Variants in PARVA observed in about 807,000 individuals in gnomAD.
The protein encoded by PARVA is alpha-parvin.
A neutral mutation model predicts 52.6 loss-of-function variants in PARVA; 25 were observed. The ratio of observed to expected loss-of-function variants is 0.48; its 90% CI spans 0.35 to 0.66. The LOEUF is 0.66. Among genes scored for constraint, PARVA ranks in the 30% least tolerant of loss-of-function variants. PARVA has a pLI of 0.01. For missense variants in PARVA, 373 were observed against 450.9 expected, an observed-to-expected ratio of 0.83 and a Z score of 1.56; for synonymous variants, 185 against 179.1, an observed-to-expected ratio of 1.03 and a Z score of -0.26.
chr11:12,523,277 G>A (rs1044692365), intron 12 of PARVA, among the ~76,000 whole-genome samples: 2 of 152,182 alleles, frequency 1.3e-5, no homozygotes, highest in Admixed American at 1.3e-4. Context: ...TAGAGGCGCA[G>A]GGAGGTCGGC....
chr11:12,527,459 G>A (rs923755759), intron 12 of PARVA, among the ~76,000 whole-genome samples: 1 of 152,134 alleles, frequency 6.6e-6, no homozygotes, highest in Non-Finnish European at 1.5e-5. Flanking sequence ...AGTACTCCTT[G>A]CAAGTCCCCC....
intron 8 of PARVA, among the ~76,000 whole-genome samples, chr11:12,512,937 G>T (rs1035073193): frequency 6.6e-6 from 1 of 152,106 alleles, no homozygotes; most frequent in South Asian, 2.1e-4. Context: ...TTAATATTTG[G>T]ATAACATTCT....
chr11:12,441,114 G>A (rs1378686651), intron 1 of PARVA, among the ~76,000 whole-genome samples: 8 of 152,186 alleles, frequency 5.3e-5, no homozygotes, highest in Non-Finnish European at 1.5e-5. Flanking sequence ...GGGGGATTCT[G>A]TTTCTTACAA....
intron 1 of PARVA, among the ~76,000 whole-genome samples, chr11:12,446,307 T>G (rs912194312): frequency 1.3e-5 from 2 of 152,140 alleles, no homozygotes; most frequent in African/African-American, 4.8e-5. Flanking sequence ...AAAACAACTG[T>G]GAGTTACCAC....
intron 1 of PARVA, among the ~76,000 whole-genome samples, chr11:12,431,146 G>A (rs1204789568): frequency 6.6e-6 from 1 of 152,180 alleles, no homozygotes; most frequent in Admixed American, 6.5e-5. Context: ...ATAAATAGCT[G>A]ATCCCCCAAT....
chr11:12,480,892 TTTG>T (rs1941077712), intron 4 of PARVA: 3 of 151,048 alleles, frequency 2.0e-5, no homozygotes, highest in African/African-American at 2.4e-5. Flanking sequence ...AATGTTTTGG[TTTG>T]TTTTCTTTTT....
chr11:12,413,774 C>T (rs753083919), intron 1 of PARVA, among the ~76,000 whole-genome samples: 4 of 152,212 alleles, frequency 2.6e-5, no homozygotes, highest in Non-Finnish European at 5.9e-5. Flanking sequence ...GGTGGGGATT[C>T]TAAACAGCAG....
At chr11:12,459,628 C>T (rs933919) in intron 1 of PARVA, among the ~76,000 whole-genome samples, 4,843 of 152,018 alleles carry the variant, frequency 0.032, 281 homozygotes, top group African/African-American at 0.11. Flanking sequence ...TGGTTATGTA[C>T]GGTGTGTACC....
intron 4 of PARVA, among the ~76,000 whole-genome samples, chr11:12,492,826 G>C (rs1209839578): frequency 7.5e-6 from 1 of 133,618 alleles, no homozygotes; most frequent in African/African-American, 2.6e-5. Context: ...TAATCAATTA[G>C]TAATACATAC....
chr11:12,519,154 CAG>C (rs1469229630), intron 12 of PARVA, among the ~76,000 whole-genome samples: 2 of 152,198 alleles, frequency 1.3e-5, no homozygotes, highest in Non-Finnish European at 2.9e-5. Context: ...TCCATTTCAC[CAG>C]AGCTGGCAGG....
chr11:12,414,489 A>C lies in PARVA; in HGVS notation c.136+36706A>C, dbSNP rs191437768. 2.7e-3 allele frequency among the ~76,000 whole-genome samples: 406 copies of C among 152,378 alleles called. 4 individuals are homozygous for C. Among genetic ancestry groups the C allele is most frequent in the Middle Eastern group, 6.8e-3 (2 of 294 alleles). ...CGCTGCTGGAGGATCTTAACGCTCT[A>C]AAACTGCAATTAAAATGTGAACATT... On this transcript the variant is annotated intron_variant, in intron 1 of 12. Transcript: ENST00000334956.
intron 1 of PARVA, among the ~76,000 whole-genome samples, chr11:12,393,044 G>GAAAAAAAAAAAAA (rs60966710): frequency 2.0e-4 from 9 of 46,114 alleles, no homozygotes; most frequent in South Asian, 9.1e-4. Flanking sequence ...CCCAAATTGT[G>GAAAAAAAAAAAAA]AAAAAAAAAA....
chr11:12,473,696 C>G (rs748598064), intron 1 of PARVA, 49 bp from the exon 2 acceptor site: 4 of 1,403,866 alleles, frequency 2.8e-6, no homozygotes, highest in Non-Finnish European at 4.0e-6. Context: ...GCTCCAACCC[C>G]CTGCCGTCCG....
chr11:12,384,978 C>G (rs1401059230), intron 1 of PARVA, among the ~76,000 whole-genome samples: 5 of 152,050 alleles, frequency 3.3e-5, no homozygotes, highest in Non-Finnish European at 7.4e-5. Context: ...GCTAAAACAC[C>G]ATCACTCAGA....
At chr11:12,438,683 G>A (rs1294792581) in intron 1 of PARVA, among the ~76,000 whole-genome samples, 1 of 152,158 alleles carries the variant, frequency 6.6e-6, no homozygotes, top group Non-Finnish European at 1.5e-5. Context: ...TCATGCTAGA[G>A]ACTTGACTTT....
At chr11:12,423,646 G>A (rs1940185729) in intron 1 of PARVA, among the ~76,000 whole-genome samples, 1 of 152,000 alleles carries the variant, frequency 6.6e-6, no homozygotes, top group Non-Finnish European at 1.5e-5. Context: ...TATTGTATAT[G>A]GTGAGTTATG....
chr11:12,403,067 G>A (rs922675351), intron 1 of PARVA, among the ~76,000 whole-genome samples: 12 of 152,280 alleles, frequency 7.9e-5, no homozygotes, highest in Admixed American at 1.3e-4. Context: ...CACATGCCTC[G>A]CTGCCTCCTT....
chr11:12,424,684 A>C (rs1013764523), intron 1 of PARVA, among the ~76,000 whole-genome samples: 5 of 152,136 alleles, frequency 3.3e-5, no homozygotes, highest in Admixed American at 6.5e-5. Context: ...TTTCCACATA[A>C]AGAATAACAC....
chr11:12,462,793 C>A (rs1940801077), intron 1 of PARVA, among the ~76,000 whole-genome samples: 1 of 152,116 alleles, frequency 6.6e-6, no homozygotes, highest in South Asian at 2.1e-4. Context: ...GTAGAAATGA[C>A]CCTGCCAGGC....
Sources: allele counts gnomAD v4.1 joint callset (sites outside exome capture counted in the v4.1 genomes callset), GRCh38; gene constraint gnomAD v4.1.1; transcripts MANE v1.5; gene names NCBI Gene and HGNC (gene_info 2026-07-23, HGNC 2026-07-21).